Variants in PTPRQ observed in about 807,000 individuals in gnomAD.
The protein encoded by PTPRQ is protein tyrosine phosphatase receptor type Q, also known as phosphatidylinositol phosphatase PTPRQ.
In PTPRQ, 199 loss-of-function variants were observed where a neutral mutation model predicts 246.0. The ratio of observed to expected loss-of-function variants is 0.81; its 90% confidence interval spans 0.72 to 0.91. The LOEUF (loss-of-function observed/expected upper bound fraction) is 0.91. Among genes scored for constraint, PTPRQ ranks in the 40% least tolerant of loss-of-function variants. The pLI is 0.00. For synonymous variants in PTPRQ, 869 were observed against 853.2 expected, an observed-to-expected ratio of 1.02 and a Z score of -0.32; for missense variants, 2,624 against 2,528.4, an observed-to-expected ratio of 1.04 and a Z score of -0.81.
At chr12:80,667,693 C>T (rs1480157524) in intron 39 of PTPRQ, among the ~76,000 whole-genome samples, 1 of 151,948 alleles carries the variant, frequency 6.6e-6, no homozygotes. Flanking sequence ...GTAAAGAAAT[C>T]AACCAAAATG....
chr12:80,643,292 G>T (rs1163032), intron 35 of PTPRQ, among the ~76,000 whole-genome samples: 2,755 of 151,996 alleles, frequency 0.018, 71 homozygotes, highest in African/African-American at 0.063. Flanking sequence ...ACAAAAATTA[G>T]CCAGGCATAG....
rs1565850913 is a variant in PTPRQ, at chr12:80,669,022, A to ATGAATTTATTGCTACTCAAGGTCC, written c.6208_6209insTGAATTTATTGCTACTCAAGGTCC (p.Asn2070delinsMetAsnLeuLeuLeuLeuLysValHis). 20 of 1,549,816 alleles carry ATGAATTTATTGCTACTCAAGGTCC rather than the reference A, an allele frequency of 1.3e-5. No homozygotes were observed. The highest frequency in any genetic ancestry group is 1.7e-5 in the Non-Finnish European group (20 of 1,145,742). ...ATCCTTCTAGGGTTATTTATGTCCA[A>ATGAATTTATTGCTACTCAAGGTCC]ATGAATTTATTGCTACTCAAGGTCC... On this transcript the variant is annotated protein_altering_variant, in exon 40 of 45. Coordinates refer to ENST00000644991, the MANE Select transcript of PTPRQ (RefSeq NM_001145026.2).
intron 37 of PTPRQ, 141 bp from the exon 38 acceptor site, chr12:80,652,603 G>A: frequency 1.3e-6 from 1 of 782,900 alleles, no homozygotes. Context: ...CTGTTAACTT[G>A]ACCTTGTTTC....
intron 4 of PTPRQ, 67 bp downstream of exon 4, chr12:80,457,711 C>T (rs1893023579): frequency 2.5e-6 from 1 of 398,668 alleles, no homozygotes; most frequent in South Asian, 1.3e-4. Context: ...TAATAAAGAA[C>T]ATAAATAAAA....
At chr12:80,591,967 T>G (rs1306151444) in intron 26 of PTPRQ, among the ~76,000 whole-genome samples, 1 of 152,200 alleles carries the variant, frequency 6.6e-6, no homozygotes, top group Non-Finnish European at 1.5e-5. Context: ...AAACAACATA[T>G]AACATGATCA....
At chr12:80,607,527 T>C (rs763689776) in intron 27 of PTPRQ, among the ~76,000 whole-genome samples, 2 of 141,154 alleles carry the variant, frequency 1.4e-5, no homozygotes, top group Non-Finnish European at 3.1e-5. Flanking sequence ...TTAAAATACT[T>C]CCAATGTACC....
chr12:80,611,325 G>C (rs565498945), intron 28 of PTPRQ, among the ~76,000 whole-genome samples: 3 of 150,374 alleles, frequency 2.0e-5, no homozygotes, highest in African/African-American at 7.3e-5. Context: ...GCAGATGAAG[G>C]GATATGTTGC....
intron 39 of PTPRQ, among the ~76,000 whole-genome samples, chr12:80,660,664 A>G (rs1189066653): frequency 6.6e-6 from 1 of 152,082 alleles, no homozygotes; most frequent in Admixed American, 6.6e-5. Flanking sequence ...ACAGCTTTTA[A>G]CACAACTAGA....
chr12:80,459,777 A>G (rs1038294346), intron 5 of PTPRQ, among the ~76,000 whole-genome samples: 1 of 152,196 alleles, frequency 6.6e-6, no homozygotes, highest in Non-Finnish European at 1.5e-5. Flanking sequence ...GTGATACACC[A>G]TGGAGCAAGG....
intron 17 of PTPRQ, among the ~76,000 whole-genome samples, chr12:80,517,928 GTAC>G (rs1294183498): frequency 5.3e-5 from 8 of 152,122 alleles, no homozygotes; most frequent in Admixed American, 3.9e-4. Flanking sequence ...ATTGTGAAGA[GTAC>G]TGCAACAAAC....
At chr12:80,667,724 A>G (rs1565850290) in intron 39 of PTPRQ, among the ~76,000 whole-genome samples, 1 of 151,954 alleles carries the variant, frequency 6.6e-6, no homozygotes, top group Non-Finnish European at 1.5e-5. Context: ...TTCACTCTGG[A>G]TAGTGGGATT....
intron 33 of PTPRQ, among the ~76,000 whole-genome samples, chr12:80,623,115 C>CTGT (rs1052868969): frequency 6.6e-6 from 1 of 152,048 alleles, no homozygotes; most frequent in Non-Finnish European, 1.5e-5. Context: ...TCCTGGCGAG[C>CTGT]TGTTGCTCAG....
chr12:80,459,365 C>A lies in PTPRQ; in HGVS notation c.542C>A (p.Pro181Gln), dbSNP rs1893078146. The A allele has an allele frequency of 2.5e-6, 1 of 398,432 alleles. No homozygotes were observed. Among genetic ancestry groups the A allele is most frequent in the Non-Finnish European group, 4.4e-6 (1 of 225,968 alleles). 24.7% of individuals were successfully genotyped at this position (398,432 alleles called of 1,614,324 possible). A position where few individuals can be genotyped will look rare whatever the true frequency, so the allele number is the denominator to read the frequency against. ...VKLIWYLPRQ[P>Q]NGKITSFKIS... ...CTGATTTGGTATTTACCTCGGCAAC[C>A]AAATGGCAAAATTACCAGCTTCAAG... is the stretch of plus-strand genomic sequence containing the variant. The change falls in exon 5 of 45, where the codon CCA (proline) becomes CAA (glutamine). Residue 181 changes from proline (P) to glutamine (Q), a missense_variant. Transcript: ENST00000644991.
chr12:80,478,295 TC>T (rs1359912992), intron 8 of PTPRQ, among the ~76,000 whole-genome samples: 1 of 151,820 alleles, frequency 6.6e-6, no homozygotes, highest in East Asian at 1.9e-4. Context: ...GGCCAGGTAC[TC>T]CAACAGACCT....
intron 19 of PTPRQ, among the ~76,000 whole-genome samples, chr12:80,538,960 G>A (rs1896068348): frequency 6.6e-6 from 1 of 152,030 alleles, no homozygotes; most frequent in Non-Finnish European, 1.5e-5. Flanking sequence ...GGACTTAAAT[G>A]GCTTCATGTG....
chr12:80,509,645 G>A (rs1392675472), intron 16 of PTPRQ, among the ~76,000 whole-genome samples: 1 of 152,048 alleles, frequency 6.6e-6, no homozygotes. Flanking sequence ...TTGCAGTAAT[G>A]TTTTTATTGC....
At chr12:80,501,693 C>A (rs991362042) in intron 14 of PTPRQ, among the ~76,000 whole-genome samples, 2 of 151,760 alleles carry the variant, frequency 1.3e-5, no homozygotes, top group South Asian at 4.1e-4. Flanking sequence ...TAATCAAGGA[C>A]AAAGCAGAAG....
chr12:80,651,007 A>T (rs1403323832), intron 37 of PTPRQ, among the ~76,000 whole-genome samples: 3 of 152,154 alleles, frequency 2.0e-5, no homozygotes, highest in East Asian at 3.9e-4. Context: ...AACTCAGGAC[A>T]TATTCACTCA....
At chr12:80,470,125 TGAG>T (rs1565727009) in intron 7 of PTPRQ, among the ~76,000 whole-genome samples, 1 of 152,252 alleles carries the variant, frequency 6.6e-6, no homozygotes, top group African/African-American at 2.4e-5. Flanking sequence ...CTGATGGAAA[TGAG>T]GAAAATAAGG....
Sources: gnomAD v4.1 joint callset for allele counts (sites outside exome capture counted in the v4.1 genomes callset) on GRCh38, gnomAD v4.1.1 for gene constraint, MANE v1.5 for transcripts, NCBI Gene and HGNC (gene_info 2026-07-23, HGNC 2026-07-21) for gene names.